SH3KBP1: variants seen among roughly 807,000 people sequenced by gnomAD.
SH3KBP1 encodes the protein SH3 domain containing kinase binding protein 1, also known as SH3 domain-containing kinase-binding protein 1.
Under a neutral mutation model 50.1 loss-of-function variants are expected in SH3KBP1, and 8 were observed. The observed-to-expected ratio is 0.16, with a 90% CI of 0.09 to 0.29. SH3KBP1 has a LOEUF of 0.29. SH3KBP1 is among the 10% of genes least tolerant of loss of function. SH3KBP1 has a pLI of 1.00. For missense variants in SH3KBP1, 377 were observed against 535.2 expected, an observed-to-expected ratio of 0.70 and a Z score of 2.92; for synonymous variants, 227 against 218.6, an observed-to-expected ratio of 1.04 and a Z score of -0.34.
rs1372172284 is a variant in SH3KBP1, at chrX:19,677,583, C to A, written c.726+6240G>T. Among the ~76,000 whole-genome samples, 3 of 112,100 alleles carry A rather than the reference C, an allele frequency of 2.7e-5. No individual in the cohort carries two copies. The East Asian group carries it at 8.4e-4, about 31-fold the overall frequency. ...GAACTTCCAAATCCAGCTAGTCTAA[C>A]CCATGTCCTTCCTCCCCAAATATCT... On this transcript the variant is annotated intron_variant, in intron 6 of 17. Coordinates refer to ENST00000397821, the MANE Select transcript of SH3KBP1 (RefSeq NM_031892.3).
chrX:19,588,582 C>T, intron 12 of SH3KBP1, 61 bp downstream of exon 12: 3 of 1,209,961 alleles, frequency 2.5e-6, no homozygotes, highest in Non-Finnish European at 2.2e-6. Context: ...AGTCAGTTCC[C>T]CTCCTGTGTT....
chrX:19,777,414 C>T (rs1036069861), intron 2 of SH3KBP1, among the ~76,000 whole-genome samples: 1 of 111,302 alleles, frequency 9.0e-6, no homozygotes, highest in African/African-American at 3.3e-5. Context: ...AACACAAAGG[C>T]ATGTGGCAGG....
intron 13 of SH3KBP1, among the ~76,000 whole-genome samples, chrX:19,557,510 A>C (rs2147736886): frequency 8.9e-6 from 1 of 112,529 alleles, no homozygotes; most frequent in East Asian, 2.8e-4. Context: ...AGCACTGTCC[A>C]GTAGAACTTG....
chrX:19,603,921 C>T (rs1298932355), intron 9 of SH3KBP1, among the ~76,000 whole-genome samples: 1 of 111,879 alleles, frequency 8.9e-6, no homozygotes, highest in African/African-American at 3.3e-5. Flanking sequence ...CTCCTAGGCT[C>T]AAGCAATCCT....
At chrX:19,661,171 A>T (rs2062439272) in intron 6 of SH3KBP1, among the ~76,000 whole-genome samples, 1 of 112,620 alleles carries the variant, frequency 8.9e-6, no homozygotes, top group African/African-American at 3.2e-5. Flanking sequence ...TTCCCACGGT[A>T]TTTTTATGTT....
chrX:19,698,871 G>A (rs749486082), intron 4 of SH3KBP1, among the ~76,000 whole-genome samples: 3 of 109,609 alleles, frequency 2.7e-5, no homozygotes, highest in Non-Finnish European at 3.8e-5. Context: ...GTAAAGCACA[G>A]TGCCTCACAC....
At chrX:19,581,853 TAAAAAAAAA>T (rs35059308) in intron 12 of SH3KBP1, among the ~76,000 whole-genome samples, 1 of 75,642 alleles carries the variant, frequency 1.3e-5, no homozygotes, top group Non-Finnish European at 2.6e-5. Context: ...ACTACAGGTT[TAAAAAAAAA>T]AAAAAAAAAA....
At chrX:19,699,235 G>A (rs932869483) in intron 4 of SH3KBP1, among the ~76,000 whole-genome samples, 3 of 112,308 alleles carry the variant, frequency 2.7e-5, no homozygotes, top group African/African-American at 6.5e-5. Context: ...GCCCCTGCTT[G>A]GAAATCAAGC....
At chrX:19,538,811 C>T (rs1324479631) in intron 16 of SH3KBP1, among the ~76,000 whole-genome samples, 2 of 110,617 alleles carry the variant, frequency 1.8e-5, no homozygotes, top group Admixed American at 9.6e-5. Flanking sequence ...GGTCCCGAAC[C>T]CCTCACCTCA....
At chrX:19,764,169 T>C (rs2065522187) in intron 2 of SH3KBP1, among the ~76,000 whole-genome samples, 1 of 110,131 alleles carries the variant, frequency 9.1e-6, no homozygotes. Context: ...ATAACTCACA[T>C]GGGGAATTAC....
chrX:19,787,507 C>G (rs998310197), intron 2 of SH3KBP1, among the ~76,000 whole-genome samples: 3 of 111,512 alleles, frequency 2.7e-5, no homozygotes, highest in Non-Finnish European at 5.6e-5. Context: ...AAAAAAAGAT[C>G]CAAATTCAAC....
intron 3 of SH3KBP1, among the ~76,000 whole-genome samples, chrX:19,721,191 C>T (rs1218830239): frequency 9.0e-6 from 1 of 111,307 alleles, no homozygotes; most frequent in African/African-American, 3.3e-5. Flanking sequence ...TCCTCATAAT[C>T]TGAAAGGCTA....
At chrX:19,639,336 A>G (rs1569368827) in intron 7 of SH3KBP1, among the ~76,000 whole-genome samples, 1 of 111,447 alleles carries the variant, frequency 9.0e-6, no homozygotes, top group Non-Finnish European at 1.9e-5. Flanking sequence ...CTAAAAAGAG[A>G]AGTATATTTT....
At chrX:19,788,269 C>CAAAAAAAAAAAA (rs1227301099) in intron 2 of SH3KBP1, among the ~76,000 whole-genome samples, 3 of 25,583 alleles carry the variant, frequency 1.2e-4, no homozygotes, top group African/African-American at 2.0e-4. Flanking sequence ...ATTCTATCTC[C>CAAAAAAAAAAAA]AAAAAAAAAA....
intron 2 of SH3KBP1, among the ~76,000 whole-genome samples, chrX:19,829,342 G>A (rs999216164): frequency 2.7e-5 from 3 of 111,025 alleles, no homozygotes; most frequent in Non-Finnish European, 5.7e-5. Context: ...TCTAGTACAG[G>A]CAAAACTAAT....
chrX:19,754,289 A>C (rs1485638048), intron 2 of SH3KBP1, among the ~76,000 whole-genome samples: 1 of 111,826 alleles, frequency 8.9e-6, no homozygotes, highest in Non-Finnish European at 1.9e-5. Flanking sequence ...CAAAGAGATA[A>C]TGTTGCTTCC....
intron 8 of SH3KBP1, among the ~76,000 whole-genome samples, chrX:19,626,196 A>T (rs1317351089): frequency 9.0e-6 from 1 of 111,162 alleles, no homozygotes; most frequent in Non-Finnish European, 1.9e-5. Context: ...TGTCTGGGAC[A>T]GGAGGGAGGA....
intron 2 of SH3KBP1, among the ~76,000 whole-genome samples, chrX:19,776,533 T>TTTTTTTTTTTG (rs2065983727): frequency 1.7e-4 from 1 of 5,801 alleles, no homozygotes; most frequent in African/African-American, 7.6e-4. Flanking sequence ...GACAACCTGG[T>TTTTTTTTTTTG]TTTTTTTTTT....
At chrX:19,545,280 C>T (rs1488227802) in intron 15 of SH3KBP1, among the ~76,000 whole-genome samples, 2 of 111,966 alleles carry the variant, frequency 1.8e-5, no homozygotes, top group Admixed American at 9.5e-5. Context: ...AATCTTGGTT[C>T]GTATTCACAG....
Sources: allele counts gnomAD v4.1 joint callset (sites outside exome capture counted in the v4.1 genomes callset), GRCh38; gene constraint gnomAD v4.1.1; transcripts MANE v1.5; gene names NCBI Gene and HGNC (gene_info 2026-07-23, HGNC 2026-07-21).